INTS8: variants seen among roughly 807,000 people sequenced by gnomAD.
INTS8 encodes integrator complex subunit 8.
Under a neutral mutation model 138.9 loss-of-function variants are expected in INTS8, and 47 were observed. That is an observed-to-expected ratio of 0.34 (90% CI 0.27 to 0.43). The LOEUF is 0.43. INTS8 is among the 20% of genes least tolerant of loss of function. The probability of loss-of-function intolerance (pLI) is 1.00; values close to 1 mark genes in which losing one functional copy is unlikely to be tolerated. For synonymous variants in INTS8, 392 were observed against 400.9 expected (o/e 0.98, Z 0.27); for missense variants, 996 against 1,173.0 (o/e 0.85, Z 2.20).
chr8:94,839,569 A>G (rs1488776415), intron 8 of INTS8, among the ~76,000 whole-genome samples: 2 of 152,150 alleles, frequency 1.3e-5, no homozygotes, highest in African/African-American at 2.4e-5. Context: ...TCTTTCCCCT[A>G]TCTTTGGCCC....
At chr8:94,844,857 A>G (rs1285658858) in intron 10 of INTS8, among the ~76,000 whole-genome samples, 1 of 149,074 alleles carries the variant, frequency 6.7e-6, no homozygotes, top group Non-Finnish European at 1.5e-5. Context: ...GGTTCAAGCC[A>G]TCCTCCCACC....
chr8:94,863,485 A>G (rs1367432102), intron 16 of INTS8, among the ~76,000 whole-genome samples: 2 of 152,164 alleles, frequency 1.3e-5, no homozygotes, highest in Admixed American at 1.3e-4. Flanking sequence ...GTACTGTTGT[A>G]CTGATCCTGC....
At chr8:94,856,725 T>G in intron 14 of INTS8, 52 bp from the exon 15 acceptor site, 2 of 1,487,246 alleles carry the variant, frequency 1.3e-6, no homozygotes, top group Non-Finnish European at 1.9e-6. Flanking sequence ...AAGGCACACA[T>G]TTTTTGGCGC....
intron 18 of INTS8, chr8:94,866,889 A>G: frequency 2.5e-6 from 1 of 405,538 alleles, no homozygotes; most frequent in Non-Finnish European, 4.4e-6. Context: ...TGAGGAGTTG[A>G]GCGTGGAGAT....
rs1256806226 is a variant in INTS8, at chr8:94,823,371, G to A, written c.-61G>A. 4.5e-5 allele frequency: 67 copies of A among 1,502,642 alleles called. No individual in the cohort carries two copies. Among genetic ancestry groups the A allele is most frequent in the Admixed American group, 1.1e-4 (5 of 44,168 alleles). The allele number at this position is 1,502,642 out of a possible 1,614,324, so 93.1% of individuals were successfully genotyped here. ...TTCCGCATACCCCAGGCACCGGCCC[G>A]CATCCAAGTGTCAGGTTGGAGCCGG... On this transcript the variant is annotated 5_prime_UTR_variant, in exon 1 of 27. Coordinates refer to ENST00000523731, the MANE Select transcript of INTS8 (RefSeq NM_017864.4).
At chr8:94,870,646 T>C (rs945404437) in intron 20 of INTS8, among the ~76,000 whole-genome samples, 1 of 152,246 alleles carries the variant, frequency 6.6e-6, no homozygotes, top group Non-Finnish European at 1.5e-5. Context: ...ATCTAACTTA[T>C]ATAACTATTT....
At chr8:94,845,121 A>G (rs1586488912) in intron 10 of INTS8, among the ~76,000 whole-genome samples, 1 of 151,962 alleles carries the variant, frequency 6.6e-6, no homozygotes, top group East Asian at 1.9e-4. Flanking sequence ...TTTCCGTTGT[A>G]GTGATTTCTG....
intron 5 of INTS8, 52 bp downstream of exon 5, chr8:94,829,078 A>C: frequency 7.5e-7 from 1 of 1,338,618 alleles, no homozygotes; most frequent in Non-Finnish European, 1.1e-6. Context: ...ACTTTAGAGC[A>C]GCAGTTCCCA....
At chr8:94,852,588 GGTTT>G (rs1191231937) in intron 13 of INTS8, among the ~76,000 whole-genome samples, 1 of 151,776 alleles carries the variant, frequency 6.6e-6, no homozygotes, top group Non-Finnish European at 1.5e-5. Context: ...AGAAATGTAT[GGTTT>G]GTTTTTTTTT....
Position 94,880,351 on chromosome 8 carries a change from A to AAAAT in INTS8, c.*119_*122dup. 1 of 565,788 alleles carries AAAAT rather than the reference A, an allele frequency of 1.8e-6. No individual in the cohort carries two copies. The highest frequency in any genetic ancestry group is 2.6e-5 in the South Asian group (1 of 38,228). The allele number at this position is 565,788 out of a possible 1,614,324, so 35.0% of individuals were successfully genotyped here. ...AATTAGTGGTGTTTTCTTTTCAGAC[A>AAAAT]AAATACTGAAACAAATATTAGTTTA... On this transcript the variant is annotated 3_prime_UTR_variant, in exon 27 of 27. Coordinates refer to ENST00000523731, the MANE Select transcript of INTS8 (RefSeq NM_017864.4).
chr8:94,828,893 A>C, intron 4 of INTS8, 82 bp from the exon 5 acceptor site: 1 of 854,664 alleles, frequency 1.2e-6, no homozygotes. Context: ...CCTGACTTTC[A>C]AGAATGATGC....
intron 10 of INTS8, among the ~76,000 whole-genome samples, chr8:94,845,539 T>C (rs1335994266): frequency 2.6e-5 from 4 of 152,172 alleles, no homozygotes; most frequent in Non-Finnish European, 5.9e-5. Flanking sequence ...CTTGGCTCAC[T>C]GCAACCTCCG....
intron 26 of INTS8, among the ~76,000 whole-genome samples, chr8:94,877,588 C>T (rs1392286712): frequency 6.6e-6 from 1 of 152,158 alleles, no homozygotes; most frequent in Non-Finnish European, 1.5e-5. Flanking sequence ...CTTACTAGCT[C>T]CTGTAAGTAT....
chr8:94,856,891 C>G lies in INTS8; in HGVS notation c.1867C>G (p.His623Asp), dbSNP rs1312228666. The change falls in exon 15 of 27, where the codon CAC becomes GAC. Residue 623 changes from histidine to aspartate, a missense_variant. Transcript: ENST00000523731. Reference protein sequence around the residue: ...NEMLLLDIHTHEAGTGQAGER... With the variant: ...NEMLLLDIHTDEAGTGQAGER... The stretch of plus-strand genomic sequence containing the variant: ...GATGTTGCTTTTGGATATTCATACA[C>G]ACGAAGCTGGGACAGGGCAGGCAGG... The G allele has an allele frequency of 6.2e-7, 1 of 1,614,092 alleles. No individual in the cohort carries two copies. Among genetic ancestry groups the G allele is most frequent in the African/African-American group, 1.3e-5 (1 of 75,036 alleles).
rs141319499 is a variant in INTS8, at chr8:94,880,182, C to T, written c.2936C>T (p.Ala979Val). The T allele has an allele frequency of 2.0e-5, 33 of 1,610,464 alleles. No homozygotes were observed. The highest frequency in any genetic ancestry group is 2.3e-5 in the Non-Finnish European group (27 of 1,178,906). ...SNPEEVLQLA[A>V]QRRKKKFLQA... Reference sequence around the variant, plus strand: ...CCAGAAGAAGTGTTACAGCTGGCAGCGCAGAGAAGGAAAAAAAAGTTTCTC... The same window carrying T: ...CCAGAAGAAGTGTTACAGCTGGCAGTGCAGAGAAGGAAAAAAAAGTTTCTC... The change falls in exon 27 of 27, where the codon GCG (alanine) becomes GTG (valine). Residue 979 changes from alanine to valine, a missense_variant. Transcript: ENST00000523731.
rs768934904 is a variant in INTS8, at chr8:94,880,173, A to T, written c.2927A>T (p.Gln976Leu). The T allele has an allele frequency of 6.2e-7, 1 of 1,612,768 alleles. No homozygotes were observed. Among genetic ancestry groups the T allele is most frequent in the Non-Finnish European group, 8.5e-7 (1 of 1,179,624 alleles). Residue 976 changes from glutamine to leucine, a missense_variant, in exon 27 of 27, where the codon CAG (glutamine) becomes CTG (leucine). Transcript: ENST00000523731. ...GCAAGCAATCCAGAAGAAGTGTTAC[A>T]GCTGGCAGCGCAGAGAAGGAAAAAA... is the stretch of plus-strand genomic sequence containing the variant. The part of the protein sequence containing the change: ...LNASNPEEVL[Q>L]LAAQRRKKKF...
chr8:94,857,513 T>C (rs2131043474), intron 15 of INTS8, among the ~76,000 whole-genome samples: 1 of 152,328 alleles, frequency 6.6e-6, no homozygotes, highest in South Asian at 2.1e-4. Context: ...ACTGGGTGAC[T>C]TAAAACAACA....
chr8:94,869,694 T>C (rs1198742330), intron 20 of INTS8, among the ~76,000 whole-genome samples: 1 of 152,140 alleles, frequency 6.6e-6, no homozygotes, highest in Non-Finnish European at 1.5e-5. Context: ...GGTTTCACCA[T>C]GTTGGTCAGG....
Position 94,881,609 on chromosome 8 carries a change from A to G in INTS8, c.*1375A>G, listed in dbSNP as rs768965963. The G allele has an allele frequency of 2.5e-6, 4 of 1,609,326 alleles. No homozygotes were observed. The highest frequency in any genetic ancestry group is 3.4e-6 in the Non-Finnish European group (4 of 1,178,504). On this transcript the variant is annotated 3_prime_UTR_variant, in exon 27 of 27. Transcript: ENST00000523731. ...TTCTACCCAATCTTGGTGAATTCCAACTTGTTTGCTTAGTTATCTTCTTTA... is the reference window on the plus strand; with the variant it reads ...TTCTACCCAATCTTGGTGAATTCCAGCTTGTTTGCTTAGTTATCTTCTTTA...
Sources: gnomAD v4.1 joint callset for allele counts (sites outside exome capture counted in the v4.1 genomes callset) on GRCh38, gnomAD v4.1.1 for gene constraint, MANE v1.5 for transcripts, NCBI Gene and HGNC (gene_info 2026-07-23, HGNC 2026-07-21) for gene names.